Variants in EPM2A observed in about 807,000 individuals in gnomAD.
The protein encoded by EPM2A is EPM2A glucan phosphatase, laforin.
Under a neutral mutation model 26.5 loss-of-function variants are expected in EPM2A, and 21 were observed. The observed-to-expected ratio is 0.79, with a 90% CI of 0.56 to 1.14. EPM2A has a LOEUF of 1.14. EPM2A is among the 50% of genes most tolerant of loss of function. The pLI is 0.00. For missense variants in EPM2A, 458 were observed against 440.8 expected (o/e 1.04, Z -0.35); for synonymous variants, 217 against 177.6 (o/e 1.22, Z -1.76).
At chr6:145,474,354 C>T (rs1227264012) in intron 4 of EPM2A, among the ~76,000 whole-genome samples, 1 of 151,934 alleles carries the variant, frequency 6.6e-6, no homozygotes, top group African/African-American at 2.4e-5. Context: ...CCCAGCTACT[C>T]AGGAGGCTGA....
At chr6:145,496,728 A>ATGTTTTTTGTTTTTTTT (rs779194973), downstream of EPM2A, among the ~76,000 whole-genome samples, 2 of 106,908 alleles carry the variant, frequency 1.9e-5, no homozygotes, top group Admixed American at 1.9e-4. Context: ...AGTTCCTGCA[A>ATGTTTTTTGTTTTTTTT]TTTTTTTTTT....
At chr6:145,413,114 G>A (rs557736238) in intron 4 of EPM2A, among the ~76,000 whole-genome samples, 7 of 152,316 alleles carry the variant, frequency 4.6e-5, no homozygotes, top group Admixed American at 3.3e-4. Context: ...TCAGCATAAT[G>A]CACAGAATCA....
intron 2 of EPM2A, among the ~76,000 whole-genome samples, chr6:145,516,270 C>A (rs2114768299): frequency 6.6e-6 from 1 of 152,250 alleles, no homozygotes; most frequent in Non-Finnish European, 1.5e-5. Context: ...GCAATTGTAG[C>A]TACTGTTCTC....
chr6:145,394,648 T>C (rs1778381177), intron 4 of EPM2A, among the ~76,000 whole-genome samples: 1 of 152,148 alleles, frequency 6.6e-6, no homozygotes, highest in Admixed American at 6.6e-5. Context: ...ATTACTAATA[T>C]TGTTATGCCT....
intron 4 of EPM2A, among the ~76,000 whole-genome samples, chr6:145,475,376 C>T (rs1779529492): frequency 6.6e-6 from 1 of 152,098 alleles, no homozygotes; most frequent in Non-Finnish European, 1.5e-5. Context: ...GAAAACCGAA[C>T]ACTGCATGTT....
In EPM2A at chr6:145,489,994, C is replaced by A. The variant is rs550777575; in HGVS notation, c.555+12528G>T. 2.2e-6 allele frequency: 3 copies of A among 1,378,072 alleles called. No individual in the cohort carries two copies. In the South Asian group the frequency reaches 3.9e-5, roughly 18 times the overall value. 85.4% of individuals were successfully genotyped at this position (1,378,072 alleles called of 1,614,324 possible). On this transcript the variant is annotated intron_variant, in intron 4 of 4. Transcript: ENST00000638717. Reference sequence around the variant, plus strand: ...AACAAAGTACCTGGCTGTCCTGGAGCAGATCTGGATGGACGTGTTCCACAG... The same window carrying A: ...AACAAAGTACCTGGCTGTCCTGGAGAAGATCTGGATGGACGTGTTCCACAG...
At chr6:145,407,027 G>A (rs2114671810) in intron 4 of EPM2A, among the ~76,000 whole-genome samples, 1 of 152,246 alleles carries the variant, frequency 6.6e-6, no homozygotes, top group South Asian at 2.1e-4. Flanking sequence ...GGGAAATGCA[G>A]GATCGTGCCT....
intron 2 of EPM2A, among the ~76,000 whole-genome samples, chr6:145,594,902 T>A (rs955152340): frequency 6.6e-6 from 1 of 151,938 alleles, no homozygotes; most frequent in Non-Finnish European, 1.5e-5. Flanking sequence ...AAAGATTTTA[T>A]TATTTTATAA....
chr6:145,549,445 T>C (rs1407644666), intron 2 of EPM2A, among the ~76,000 whole-genome samples: 1 of 152,164 alleles, frequency 6.6e-6, no homozygotes, highest in African/African-American at 2.4e-5. Flanking sequence ...TTTATTTACA[T>C]ACACTTGCCT....
intron 4 of EPM2A, among the ~76,000 whole-genome samples, chr6:145,384,442 G>A: frequency 6.8e-6 from 1 of 148,070 alleles, no homozygotes; most frequent in East Asian, 2.0e-4. Context: ...GATTGGCAAA[G>A]GGAAAATGTG....
intron 2 of EPM2A, among the ~76,000 whole-genome samples, chr6:145,552,657 T>C (rs1562379684): frequency 6.6e-6 from 1 of 152,078 alleles, no homozygotes; most frequent in Non-Finnish European, 1.5e-5. Context: ...TATTGATAAA[T>C]ATGTGAGCAA....
chr6:145,422,770 A>G (rs752147798), intron 4 of EPM2A, among the ~76,000 whole-genome samples: 4 of 152,032 alleles, frequency 2.6e-5, no homozygotes, highest in African/African-American at 7.2e-5. Flanking sequence ...CTATTCCCCT[A>G]TTCCTTAGGT....
At chr6:145,391,099 G>A (rs1320957204) in intron 4 of EPM2A, among the ~76,000 whole-genome samples, 2 of 152,104 alleles carry the variant, frequency 1.3e-5, no homozygotes, top group Non-Finnish European at 2.9e-5. Context: ...TTCAGCAAAG[G>A]GGACCCCAGA....
At chr6:145,443,286 T>C (rs1779091308) in intron 4 of EPM2A, among the ~76,000 whole-genome samples, 1 of 152,204 alleles carries the variant, frequency 6.6e-6, no homozygotes, top group Non-Finnish European at 1.5e-5. Flanking sequence ...GGTAGTTTGA[T>C]AGGAATAGCA....
chr6:145,728,520 C>T (rs1025702767), intron 1 of EPM2A, among the ~76,000 whole-genome samples: 1 of 152,154 alleles, frequency 6.6e-6, no homozygotes, highest in Admixed American at 6.5e-5. Flanking sequence ...TGCTCCTGCT[C>T]TAGAGATTTG....
Position 145,667,715 on chromosome 6 carries a change from G to A in EPM2A, c.476+18407C>T, listed in dbSNP as rs981126602. Among the ~76,000 whole-genome samples the A allele has an allele frequency of 1.0e-4, 14 of 137,340 alleles. 2 individuals carry two copies. The highest frequency in any genetic ancestry group is 2.2e-4 in the Admixed American group (3 of 13,728). 90.1% of individuals were successfully genotyped at this position (137,340 alleles called of 152,430 possible). A position where few individuals can be genotyped will look rare whatever the true frequency, so the allele number is the denominator to read the frequency against. ...TGCTGCTATAAAGACACATGCACACGTATGTTTATTGCAGCATTATTCACA... is the reference window on the plus strand; with the variant it reads ...TGCTGCTATAAAGACACATGCACACATATGTTTATTGCAGCATTATTCACA... On this transcript the variant is annotated intron_variant, in intron 2 of 3. Transcript: ENST00000367519.
At chr6:145,490,038 C>G (rs1779734608) in intron 4 of EPM2A, 3 of 1,328,994 alleles carry the variant, frequency 2.3e-6, no homozygotes, top group Non-Finnish European at 2.1e-6. Flanking sequence ...GCTGAATCCA[C>G]AGTCACTTGT....
intron 4 of EPM2A, among the ~76,000 whole-genome samples, chr6:145,385,073 TA>T (rs1778241002): frequency 6.8e-6 from 1 of 147,888 alleles, no homozygotes; most frequent in Non-Finnish European, 1.5e-5. Context: ...TTAGAATAAA[TA>T]AAAGTACATT....
chr6:145,603,436 T>G (rs1478097930), intron 2 of EPM2A, among the ~76,000 whole-genome samples: 1 of 152,200 alleles, frequency 6.6e-6, no homozygotes, highest in East Asian at 1.9e-4. Context: ...AAAGCACTCA[T>G]TTCAGTTTTA....
Sources: gnomAD v4.1 joint callset for allele counts (sites outside exome capture counted in the v4.1 genomes callset) on GRCh38, gnomAD v4.1.1 for gene constraint, MANE v1.5 for transcripts, NCBI Gene and HGNC (gene_info 2026-07-23, HGNC 2026-07-21) for gene names.